Variants in CYP4Z1 observed in about 807,000 individuals in gnomAD.
The protein encoded by CYP4Z1 is cytochrome P450 4Z1.
Under a neutral mutation model 54.2 loss-of-function variants are expected in CYP4Z1, and 41 were observed. The ratio of observed to expected loss-of-function variants is 0.76; its 90% CI spans 0.59 to 0.98. CYP4Z1 has a LOEUF of 0.98. CYP4Z1 is among the 50% of genes least tolerant of loss of function. CYP4Z1 has a pLI of 0.00. For synonymous variants in CYP4Z1, 163 were observed against 206.2 expected (o/e 0.79, Z 1.79); for missense variants, 513 against 599.0 (o/e 0.86, Z 1.50).
intron 9 of CYP4Z1, among the ~76,000 whole-genome samples, chr1:47,112,030 T>C (rs2787315): frequency 1.6e-4 from 25 of 152,196 alleles, no homozygotes; most frequent in African/African-American, 4.1e-4. Context: ...AAATTAAACA[T>C]TGACGTCGAA....
chr1:47,084,566 G>A, intron 4 of CYP4Z1, 54 bp from the exon 5 acceptor site: 3 of 1,516,074 alleles, frequency 2.0e-6, no homozygotes, highest in African/African-American at 1.7e-5. Flanking sequence ...AAATAACTTA[G>A]AAATTGGGAA....
intron 6 of CYP4Z1, among the ~76,000 whole-genome samples, 180 bp from the exon 7 acceptor site, chr1:47,094,385 TG>T (rs1644661128): frequency 6.6e-6 from 1 of 152,008 alleles, no homozygotes; most frequent in African/African-American, 2.4e-5. Flanking sequence ...GGCTAAAAGG[TG>T]GGATGGGACG....
In CYP4Z1 at chr1:47,067,291, C is replaced by T. The variant is rs1569691951; in HGVS notation, c.-200C>T. Reference sequence around the variant, plus strand: ...CTGAAAATCTTGTTCTTCTAGAATCCAGGTCTGCTGGCCAACATCTCAGCA... The same window carrying T: ...CTGAAAATCTTGTTCTTCTAGAATCTAGGTCTGCTGGCCAACATCTCAGCA... On this transcript the variant is annotated 5_prime_UTR_variant, in exon 1 of 12. Coordinates refer to ENST00000334194, the MANE Select transcript of CYP4Z1 (RefSeq NM_178134.3). Among the ~76,000 whole-genome samples the T allele has an allele frequency of 2.0e-5, 3 of 152,250 alleles. No homozygotes were observed. The highest frequency in any genetic ancestry group is 4.4e-5 in the Non-Finnish European group (3 of 68,006).
chr1:47,065,786 A>G (rs1644446477), upstream of CYP4Z1, among the ~76,000 whole-genome samples: 1 of 152,190 alleles, frequency 6.6e-6, no homozygotes, highest in Non-Finnish European at 1.5e-5. Context: ...CATTAGTGAG[A>G]TTAACGAAGT....
chr1:47,084,770 T>C (rs1289192828), intron 5 of CYP4Z1, 26 bp downstream of exon 5: 2 of 1,613,032 alleles, frequency 1.2e-6, no homozygotes, highest in Non-Finnish European at 1.7e-6. Flanking sequence ...AAGGTAATTG[T>C]TTGCCAATAA....
At chr1:47,113,716 T>C (rs1449869524) in intron 9 of CYP4Z1, among the ~76,000 whole-genome samples, 2 of 152,074 alleles carry the variant, frequency 1.3e-5, no homozygotes, top group Non-Finnish European at 1.5e-5. Flanking sequence ...GAGAATAAAA[T>C]ATCTAGGAAT....
chr1:47,096,460 G>A (rs1193707191), intron 7 of CYP4Z1, among the ~76,000 whole-genome samples: 1 of 152,090 alleles, frequency 6.6e-6, no homozygotes, highest in Non-Finnish European at 1.5e-5. Flanking sequence ...AGTACACACT[G>A]TTTTTATTTT....
intron 2 of CYP4Z1, among the ~76,000 whole-genome samples, chr1:47,080,224 C>T (rs1285855663): frequency 8.2e-6 from 1 of 121,742 alleles, no homozygotes; most frequent in African/African-American, 3.3e-5. Context: ...CAATTTATCT[C>T]AAAGTCATGT....
In CYP4Z1 at chr1:47,083,222, G is replaced by T. The variant is rs372310216; in HGVS notation, c.492+761G>T. On this transcript the variant is annotated intron_variant, in intron 4 of 11. Coordinates refer to ENST00000334194, the MANE Select transcript of CYP4Z1 (RefSeq NM_178134.3). ...ATGATACAGGGGCTCAGAGACATGG[G>T]TTCCCCTAAACACGTCAGCTTGGAT... Among the ~76,000 whole-genome samples, 119 of 152,110 alleles carry T rather than the reference G, an allele frequency of 7.8e-4. 2 individuals are homozygous for T. The South Asian group carries it at 0.024, about 30-fold the overall frequency.
chr1:47,087,253 G>C (rs543220442), intron 6 of CYP4Z1, among the ~76,000 whole-genome samples: 1 of 152,126 alleles, frequency 6.6e-6, no homozygotes, highest in Non-Finnish European at 1.5e-5. Context: ...TAGCTTGATG[G>C]GGATGGCATT....
chr1:47,069,202 A>G (rs1644474567), intron 2 of CYP4Z1, among the ~76,000 whole-genome samples: 1 of 152,216 alleles, frequency 6.6e-6, no homozygotes, highest in Non-Finnish European at 1.5e-5. Flanking sequence ...GCCAGGTTGG[A>G]GGCTCTGGCA....
At chr1:47,065,331 T>G (rs1426985918), upstream of CYP4Z1, among the ~76,000 whole-genome samples, 1 of 151,820 alleles carries the variant, frequency 6.6e-6, no homozygotes, top group East Asian at 1.9e-4. Context: ...TATCAAGTAC[T>G]CTCTCAAACC....
At chr1:47,083,273 G>A (rs1644568824) in intron 4 of CYP4Z1, among the ~76,000 whole-genome samples, 2 of 152,152 alleles carry the variant, frequency 1.3e-5, no homozygotes. Flanking sequence ...ATTTTCCAGT[G>A]TGCCATGTTG....
chr1:47,106,573 G>C (rs976015437), intron 9 of CYP4Z1, among the ~76,000 whole-genome samples: 3 of 152,136 alleles, frequency 2.0e-5, no homozygotes, highest in Admixed American at 6.5e-5. Flanking sequence ...GAGAGAGGCA[G>C]TACTGTGGGC....
chr1:47,097,636 C>G (rs1233395435), intron 7 of CYP4Z1, among the ~76,000 whole-genome samples: 2 of 152,016 alleles, frequency 1.3e-5, no homozygotes. Flanking sequence ...AGTTTTATTT[C>G]TGGGTTCCCT....
At chr1:47,062,361 A>G (rs1032894662), upstream of CYP4Z1, among the ~76,000 whole-genome samples, 2 of 152,190 alleles carry the variant, frequency 1.3e-5, no homozygotes, top group Non-Finnish European at 1.5e-5. Flanking sequence ...AAGTAACTGG[A>G]TTACTGCTGC....
At chr1:47,084,209 A>G (rs1476794338) in intron 4 of CYP4Z1, among the ~76,000 whole-genome samples, 1 of 152,156 alleles carries the variant, frequency 6.6e-6, no homozygotes, top group Admixed American at 6.5e-5. Flanking sequence ...GGATCTGGGA[A>G]AAAACTTGTC....
chr1:47,084,064 G>A (rs527722000), intron 4 of CYP4Z1, among the ~76,000 whole-genome samples: 17 of 152,156 alleles, frequency 1.1e-4, no homozygotes, highest in Admixed American at 7.2e-4. Flanking sequence ...AATTTTCTGG[G>A]ATATTGGCAG....
upstream of CYP4Z1, among the ~76,000 whole-genome samples, chr1:47,066,029 T>C (rs902469035): frequency 2.4e-4 from 37 of 152,024 alleles, no homozygotes; most frequent in Admixed American, 2.6e-4. Flanking sequence ...GAGATTGAAA[T>C]TGTAATTTTT....
Sources: gnomAD v4.1 joint callset for allele counts (sites outside exome capture counted in the v4.1 genomes callset) on GRCh38, gnomAD v4.1.1 for gene constraint, MANE v1.5 for transcripts, NCBI Gene and HGNC (gene_info 2026-07-23, HGNC 2026-07-21) for gene names.